The following PRKN variants were observed in gnomAD, a reference collection of about 807,000 sequenced individuals.
PRKN encodes the protein E3 ubiquitin-protein ligase parkin.
Under a neutral mutation model 59.5 loss-of-function variants are expected in PRKN, and 56 were observed. The observed-to-expected ratio is 0.94, with a 90% CI of 0.76 to 1.18. The LOEUF is 1.18. Among genes scored for constraint, PRKN ranks in the 50% most tolerant of loss-of-function variants. PRKN has a pLI of 0.00. For synonymous variants in PRKN, 250 were observed against 222.1 expected, an observed-to-expected ratio of 1.13 and a Z score of -1.12; for missense variants, 657 against 596.4, an observed-to-expected ratio of 1.10 and a Z score of -1.06.
chr6:161,588,337 G>A lies in PRKN; in HGVS notation c.872-18921C>T, dbSNP rs754620283. On this transcript the variant is annotated intron_variant, in intron 7 of 11. Coordinates refer to ENST00000366898, the MANE Select transcript of PRKN (RefSeq NM_004562.3). This position sits in a 1 kb window ranked among gnomAD's most constrained non-coding sequence, Gnocchi z 5.0. ...GCAGGTTGTGGTGAGCCGAAGAGGC[G>A]CCACTGCATTCCAGCCTGGGCAACA... Among the ~76,000 whole-genome samples the A allele has an allele frequency of 1.3e-5, 2 of 151,674 alleles. No homozygotes were observed. The highest frequency in any genetic ancestry group is 1.9e-4 in the East Asian group (1 of 5,158).
intron 1 of PRKN, among the ~76,000 whole-genome samples, chr6:162,717,793 C>G (rs1778785879): frequency 6.6e-6 from 1 of 152,100 alleles, no homozygotes; most frequent in Admixed American, 6.5e-5. Context: ...CTTTTATGAC[C>G]AGAACATGAG....
chr6:161,751,063 G>A (rs1214149950), intron 7 of PRKN, among the ~76,000 whole-genome samples: 2 of 152,106 alleles, frequency 1.3e-5, no homozygotes, highest in Admixed American at 6.5e-5. Context: ...CATTGGTGAT[G>A]AGCCATTAAT....
chr6:161,801,570 A>C (rs1014862432), intron 6 of PRKN, among the ~76,000 whole-genome samples: 2 of 152,210 alleles, frequency 1.3e-5, no homozygotes, highest in African/African-American at 4.8e-5. Context: ...GCCTCTGTGC[A>C]TCTGTCAAAC....
intron 1 of PRKN, chr6:162,569,814 G>A (rs536622587): frequency 4.4e-6 from 2 of 449,494 alleles, no homozygotes; most frequent in Admixed American, 7.0e-5. Context: ...GGAGCACAGG[G>A]AATGGGAGAC....
rs1554275446 is a variant in PRKN at position 161,552,787 on chromosome 6, G to GTTGTTTTTTTT, written c.934-3785_934-3784insAAAAAAAACAA. Among the ~76,000 whole-genome samples, 9 of 86,564 alleles carry GTTGTTTTTTTT rather than the reference G, an allele frequency of 1.0e-4. 1 individual carries two copies. Among genetic ancestry groups the GTTGTTTTTTTT allele is most frequent in the Non-Finnish European group, 1.3e-4 (5 of 37,602 alleles). The allele number at this position is 86,564 out of a possible 152,430, so 56.8% of individuals were successfully genotyped here. ...TAAAAGACACCATGGTTTTGTTGTT[G>GTTGTTTTTTTT]TTTTTGTTTTTTGTTTTTTTTTTTT... On this transcript the variant is annotated intron_variant, in intron 8 of 11. Coordinates refer to ENST00000366898, the MANE Select transcript of PRKN (RefSeq NM_004562.3). The surrounding 1 kb of genome is among the most constrained non-coding windows in gnomAD (Gnocchi z 4.9).
At chr6:162,696,616 G>A (rs898822486) in intron 1 of PRKN, among the ~76,000 whole-genome samples, 1 of 142,074 alleles carries the variant, frequency 7.0e-6, no homozygotes, top group East Asian at 2.1e-4. Context: ...CCAGGCTGGA[G>A]TGCAGTGGTG....
At chr6:162,512,075 G>C (rs1020641918) in intron 1 of PRKN, among the ~76,000 whole-genome samples, 2 of 148,786 alleles carry the variant, frequency 1.3e-5, no homozygotes, top group Non-Finnish European at 3.0e-5. Flanking sequence ...AAACATCACA[G>C]GAAGTGTGTA....
intron 1 of PRKN, among the ~76,000 whole-genome samples, chr6:162,698,848 T>G (rs1292698017): frequency 1.3e-5 from 2 of 152,222 alleles, no homozygotes; most frequent in Admixed American, 1.3e-4. Context: ...ATTTCACTAC[T>G]GAGCCCCAAA....
chr6:162,220,156 T>C (rs116600548), intron 3 of PRKN, among the ~76,000 whole-genome samples: 2,086 of 152,164 alleles, frequency 0.014, 33 homozygotes, highest in African/African-American at 0.038. Flanking sequence ...GAAAAATACC[T>C]ATCACCATAC....
chr6:161,947,971 T>C (rs1286303389), intron 6 of PRKN, among the ~76,000 whole-genome samples: 1 of 152,022 alleles, frequency 6.6e-6, no homozygotes, highest in Non-Finnish European at 1.5e-5. Context: ...TGAGATGCAA[T>C]TTCTTTCTTT....
At chr6:162,159,234 A>G (rs1782655991) in intron 4 of PRKN, among the ~76,000 whole-genome samples, 1 of 150,858 alleles carries the variant, frequency 6.6e-6, no homozygotes, top group Admixed American at 6.6e-5. Context: ...AATCACACAG[A>G]TACTCATACG....
chr6:162,212,275 C>T (rs1337783795), intron 3 of PRKN, among the ~76,000 whole-genome samples: 4 of 151,984 alleles, frequency 2.6e-5, no homozygotes, highest in Non-Finnish European at 5.9e-5. Flanking sequence ...GTCAGCAATC[C>T]CCCGAGATTT....
At chr6:162,644,298 G>A (rs1196709963) in intron 1 of PRKN, among the ~76,000 whole-genome samples, 1 of 152,136 alleles carries the variant, frequency 6.6e-6, no homozygotes, top group Non-Finnish European at 1.5e-5. Flanking sequence ...GGAAGGCTCT[G>A]AGCTGGAGAA....
chr6:161,540,366 T>C (rs1314193777), intron 9 of PRKN, among the ~76,000 whole-genome samples: 1 of 152,178 alleles, frequency 6.6e-6, no homozygotes, highest in Non-Finnish European at 1.5e-5. Context: ...TTACTAAGCA[T>C]ACACGATCAC....
intron 1 of PRKN, among the ~76,000 whole-genome samples, chr6:162,540,761 T>G (rs1778896413): frequency 6.7e-6 from 1 of 149,388 alleles, no homozygotes; most frequent in Admixed American, 6.7e-5. Context: ...GAGCCGAGAT[T>G]GCGCCATTGC....
At chr6:162,475,368 G>A (rs896409745) in intron 1 of PRKN, among the ~76,000 whole-genome samples, 4 of 152,110 alleles carry the variant, frequency 2.6e-5, no homozygotes, top group African/African-American at 9.7e-5. Context: ...TCACTTCCAA[G>A]TCCAGCCTAA....
chr6:162,705,908 G>A (rs901033800), intron 1 of PRKN, among the ~76,000 whole-genome samples: 1 of 152,066 alleles, frequency 6.6e-6, no homozygotes, highest in Non-Finnish European at 1.5e-5. Flanking sequence ...GTGGATTCTG[G>A]AGCAAAGCAC....
At chr6:162,333,050 G>A (rs1783660135) in intron 2 of PRKN, among the ~76,000 whole-genome samples, 1 of 151,956 alleles carries the variant, frequency 6.6e-6, no homozygotes. Flanking sequence ...TAATATTAAG[G>A]GGACTTTATT....
intron 7 of PRKN, among the ~76,000 whole-genome samples, chr6:161,735,863 C>T (rs185145605): frequency 2.0e-5 from 3 of 151,818 alleles, no homozygotes; most frequent in Admixed American, 2.0e-4. Flanking sequence ...TGTGGTGAGC[C>T]GAGATTGCTC....
Sources: gnomAD v4.1 joint callset for allele counts (sites outside exome capture counted in the v4.1 genomes callset) on GRCh38, gnomAD v4.1.1 for gene constraint, Gnocchi (gnomAD v3.1) non-coding constraint, MANE v1.5 for transcripts, NCBI Gene and HGNC (gene_info 2026-07-23, HGNC 2026-07-21) for gene names.